C12orf75: variants seen among roughly 807,000 people sequenced by gnomAD.
The protein encoded by C12orf75 is chromosome 12 open reading frame 75.
In C12orf75, 4 loss-of-function variants were observed where a neutral mutation model predicts 11.4. The ratio of observed to expected loss-of-function variants is 0.35; its 90% CI spans 0.17 to 0.80. The LOEUF is 0.80. C12orf75 is among the 30% of genes least tolerant of loss of function. The probability of loss-of-function intolerance (pLI) is 0.52; values close to 1 mark genes in which losing one functional copy is unlikely to be tolerated. For synonymous variants in C12orf75, 30 were observed against 30.0 expected, an observed-to-expected ratio of 1.00 and a Z score of 0.00; for missense variants, 89 against 80.4, an observed-to-expected ratio of 1.11 and a Z score of -0.41.
chr12:105,336,886 A>G (rs1282395561), intron 1 of C12orf75, among the ~76,000 whole-genome samples: 1 of 152,194 alleles, frequency 6.6e-6, no homozygotes, highest in Non-Finnish European at 1.5e-5. Flanking sequence ...CTGCTCAGGT[A>G]GTAATCATTG....
intron 1 of C12orf75, among the ~76,000 whole-genome samples, chr12:105,336,509 A>G (rs760458942): frequency 6.6e-6 from 1 of 152,226 alleles, no homozygotes; most frequent in Non-Finnish European, 1.5e-5. Flanking sequence ...TGTTATCAGT[A>G]TAGGGAAAGA....
chr12:105,331,040 C>T, intron 1 of C12orf75, 103 bp downstream of exon 1: 1 of 747,618 alleles, frequency 1.3e-6, no homozygotes, highest in East Asian at 3.5e-5. Context: ...CCCCTCTCCC[C>T]GTCCCCATTT....
chr12:105,354,667 A>G (rs1322979545), intron 2 of C12orf75, among the ~76,000 whole-genome samples: 1 of 152,090 alleles, frequency 6.6e-6, no homozygotes, highest in Non-Finnish European at 1.5e-5. Flanking sequence ...CAGCATATTG[A>G]GGGCCTTGCT....
intron 5 of C12orf75, among the ~76,000 whole-genome samples, chr12:105,369,850 C>G (rs374411693): frequency 2.0e-5 from 3 of 152,208 alleles, no homozygotes; most frequent in Admixed American, 2.0e-4. Flanking sequence ...TGTGACATGT[C>G]TGAACTCATG....
At chr12:105,335,398 G>A (rs1432591) in intron 1 of C12orf75, among the ~76,000 whole-genome samples, 117,880 of 152,178 alleles carry the variant, frequency 0.77, 46,555 homozygotes, top group African/African-American at 0.92. Context: ...GGGAAATAAT[G>A]TAAAAATAAT....
intron 5 of C12orf75, among the ~76,000 whole-genome samples, chr12:105,369,060 A>G (rs1566144076): frequency 6.6e-6 from 1 of 152,238 alleles, no homozygotes; most frequent in Non-Finnish European, 1.5e-5. Context: ...TGGAAACAGA[A>G]TGTATTTCAA....
chr12:105,352,717 G>A (rs560864375), intron 2 of C12orf75, among the ~76,000 whole-genome samples: 2 of 152,266 alleles, frequency 1.3e-5, no homozygotes, highest in Middle Eastern at 3.4e-3. Context: ...GGTTTGGGGA[G>A]GGGGTTTCTC....
At chr12:105,351,758 C>T (rs1171798964) in intron 2 of C12orf75, among the ~76,000 whole-genome samples, 1 of 152,136 alleles carries the variant, frequency 6.6e-6, no homozygotes. Flanking sequence ...GGAGCCTGTG[C>T]CTGTGGTACA....
intron 1 of C12orf75, among the ~76,000 whole-genome samples, chr12:105,331,902 A>C (rs1892433186): frequency 6.6e-6 from 1 of 152,228 alleles, no homozygotes; most frequent in African/African-American, 2.4e-5. Context: ...AACAGCAGTC[A>C]GAGGCTGCGG....
Position 105,366,442 on chromosome 12 carries a change from C to A in C12orf75, c.108-175C>A, listed in dbSNP as rs111506129. 627 of 399,046 alleles carry A rather than the reference C, an allele frequency of 1.6e-3. 3 individuals carry two copies. Among genetic ancestry groups the A allele is most frequent in the African/African-American group, 0.01 (491 of 48,454 alleles). 24.7% of individuals were successfully genotyped at this position (399,046 alleles called of 1,614,324 possible). On this transcript the variant is annotated intron_variant, in intron 3 of 5. Transcript: ENST00000443585. ...TTCTTTTTTTTAAAAAAAATAGCTT[C>A]TTTTTAACCTAGGAAACCAATTATA...
chr12:105,364,449 G>C (rs1871403611), intron 2 of C12orf75, among the ~76,000 whole-genome samples: 1 of 152,200 alleles, frequency 6.6e-6, no homozygotes, highest in African/African-American at 2.4e-5. Context: ...AGTATTAGCT[G>C]TTCATGGCCA....
At chr12:105,361,598 G>C (rs894388297) in intron 2 of C12orf75, among the ~76,000 whole-genome samples, 1 of 152,132 alleles carries the variant, frequency 6.6e-6, no homozygotes, top group Non-Finnish European at 1.5e-5. Flanking sequence ...TGAGGCAATC[G>C]CATTGGCCTG....
intron 2 of C12orf75, among the ~76,000 whole-genome samples, chr12:105,355,862 TG>T (rs60422896): frequency 0.98 from 149,870 of 152,330 alleles, 73,739 homozygotes; most frequent in East Asian, 1. Flanking sequence ...AGAGAATAAC[TG>T]GGGGGAGGAG....
At chr12:105,337,727 ACT>A (rs1387197170) in intron 1 of C12orf75, among the ~76,000 whole-genome samples, 1 of 152,144 alleles carries the variant, frequency 6.6e-6, no homozygotes, top group Non-Finnish European at 1.5e-5. Context: ...TGGTTACGTG[ACT>A]CTAGTGCAGT....
chr12:105,340,974 T>G (rs1274524869), intron 1 of C12orf75, among the ~76,000 whole-genome samples: 2 of 152,214 alleles, frequency 1.3e-5, no homozygotes. Context: ...TTGGATCTGC[T>G]GAGACCTTGA....
chr12:105,366,770 T>A, intron 4 of C12orf75, 74 bp downstream of exon 4: 1 of 891,924 alleles, frequency 1.1e-6, no homozygotes, highest in Non-Finnish European at 1.8e-6. Flanking sequence ...ATGAAATTTA[T>A]ATTTCAGCTT....
intron 2 of C12orf75, among the ~76,000 whole-genome samples, chr12:105,359,184 C>T (rs1177538690): frequency 2.0e-5 from 3 of 152,294 alleles, no homozygotes; most frequent in Non-Finnish European, 2.9e-5. Flanking sequence ...TGCTTGGGGC[C>T]AGGCCAGAAG....
chr12:105,348,883 C>T (rs535204619), intron 2 of C12orf75, among the ~76,000 whole-genome samples: 1 of 152,020 alleles, frequency 6.6e-6, no homozygotes, highest in Non-Finnish European at 1.5e-5. Flanking sequence ...TTGTGTTTTC[C>T]ATCCCAACTG....
chr12:105,356,554 C>T (rs1892784100), intron 2 of C12orf75, among the ~76,000 whole-genome samples: 1 of 142,648 alleles, frequency 7.0e-6, no homozygotes, highest in Non-Finnish European at 1.5e-5. Context: ...TGCCACATAA[C>T]TTTGTTAGTT....
Sources: allele counts gnomAD v4.1 joint callset (sites outside exome capture counted in the v4.1 genomes callset), GRCh38; gene constraint gnomAD v4.1.1; transcripts MANE v1.5; gene names NCBI Gene and HGNC (gene_info 2026-07-23, HGNC 2026-07-21).